TRPM2: variants seen among roughly 807,000 people sequenced by gnomAD.
TRPM2 encodes the protein transient receptor potential cation channel subfamily M member 2.
TRPM2 carries 161 observed loss-of-function variants against 174.0 expected under a neutral mutation model. That is an observed-to-expected ratio of 0.93 (90% CI 0.81 to 1.05). The LOEUF (loss-of-function observed/expected upper bound fraction) is 1.05. TRPM2 is among the 50% of genes least tolerant of loss of function. TRPM2 has a pLI of 0.00. For missense variants in TRPM2, 2,057 were observed against 2,038.0 expected, an observed-to-expected ratio of 1.01 and a Z score of -0.18; for synonymous variants, 954 against 861.3, an observed-to-expected ratio of 1.11 and a Z score of -1.88.
intron 19 of TRPM2, among the ~76,000 whole-genome samples, chr21:44,411,927 A>G (rs1359560978): frequency 2.6e-5 from 4 of 152,122 alleles, no homozygotes; most frequent in Non-Finnish European, 5.9e-5. Context: ...AACCAACTTT[A>G]TGTTCCTGGG....
At chr21:44,397,697 C>G (rs368110451) in intron 12 of TRPM2, 50 bp from the exon 13 acceptor site, 17 of 1,507,062 alleles carry the variant, frequency 1.1e-5, no homozygotes, top group Non-Finnish European at 1.5e-5. Context: ...GTTCCTCAGG[C>G]TGGGTTGAGC....
intron 27 of TRPM2, among the ~76,000 whole-genome samples, chr21:44,433,581 G>T (rs537887836): frequency 2.0e-5 from 3 of 152,290 alleles, no homozygotes; most frequent in South Asian, 2.1e-4. Flanking sequence ...AGTGACCCTC[G>T]CAGGAACCCT....
chr21:44,435,073 C>T (rs2146410073), intron 27 of TRPM2, 58 bp from the exon 28 acceptor site: 1 of 1,557,528 alleles, frequency 6.4e-7, no homozygotes, highest in Non-Finnish European at 8.8e-7. Flanking sequence ...CCCCTCCCTG[C>T]CCTGTCCTGC....
At position 44,439,942 on chromosome 21, in the gene TRPM2, T is replaced by C. The variant is rs1041501799; in HGVS notation, c.4269+774T>C. Among the ~76,000 whole-genome samples the C allele has an allele frequency of 1.3e-4, 19 of 151,948 alleles. No homozygotes were observed. Among genetic ancestry groups the C allele is most frequent in the Non-Finnish European group, 2.6e-4 (18 of 67,982 alleles). Reference sequence around the variant, plus strand: ...TTGGCCATGTTGCCCAGGCTGGTCATGAACTGGGCTCAAGCGATCTGCCCA... The same window carrying C: ...TTGGCCATGTTGCCCAGGCTGGTCACGAACTGGGCTCAAGCGATCTGCCCA... On this transcript the variant is annotated intron_variant, in intron 30 of 31. Transcript: ENST00000397928. The surrounding 1 kb of genome is among the most constrained non-coding windows in gnomAD (Gnocchi z 5.1).
intron 25 of TRPM2, among the ~76,000 whole-genome samples, 182 bp downstream of exon 25, chr21:44,426,009 C>A (rs2050756616): frequency 6.6e-6 from 1 of 152,196 alleles, no homozygotes; most frequent in Non-Finnish European, 1.5e-5. Flanking sequence ...GAAGTCAAGT[C>A]ACAGGGGCCT....
At chr21:44,390,766 A>G in intron 9 of TRPM2, 138 bp from the exon 10 acceptor site, 1 of 1,144,912 alleles carries the variant, frequency 8.7e-7, no homozygotes, top group Non-Finnish European at 1.3e-6. Flanking sequence ...GGAGGAGGTC[A>G]CTGGGTGCTG....
intron 22 of TRPM2, among the ~76,000 whole-genome samples, chr21:44,419,326 T>C (rs535158141): frequency 2.4e-4 from 36 of 152,236 alleles, no homozygotes; most frequent in Non-Finnish European, 3.7e-4. Flanking sequence ...GAGACATGTA[T>C]GTACTCCTGC....
intron 22 of TRPM2, among the ~76,000 whole-genome samples, chr21:44,420,935 G>C (rs2050525964): frequency 6.6e-6 from 1 of 152,194 alleles, no homozygotes; most frequent in Non-Finnish European, 1.5e-5. Context: ...AGGTGGCTCA[G>C]CTTCCACCAC....
At chr21:44,404,598 CGTGATGATAGTGATGATAGTGATA>C (rs1251023569) in intron 16 of TRPM2, among the ~76,000 whole-genome samples, 1 of 152,094 alleles carries the variant, frequency 6.6e-6, no homozygotes, top group African/African-American at 2.4e-5. Context: ...ATTTGCTGAC[CGTGATGATAGTGATGATAGTGATA>C]GTGATGATAG....
chr21:44,437,630 G>T (rs540532665), intron 29 of TRPM2, among the ~76,000 whole-genome samples: 8 of 152,214 alleles, frequency 5.3e-5, no homozygotes, highest in Non-Finnish European at 1.2e-4. Flanking sequence ...GACAGGGGTA[G>T]GTAGGGCCCA....
intron 28 of TRPM2, among the ~76,000 whole-genome samples, chr21:44,436,564 C>T (rs1359499646): frequency 7.4e-6 from 1 of 134,910 alleles, no homozygotes; most frequent in Non-Finnish European, 1.6e-5. Context: ...TGGCACCCCA[C>T]GTCACCCCCA....
At chr21:44,371,791 G>C (rs1241067379) in intron 5 of TRPM2, among the ~76,000 whole-genome samples, 2 of 152,176 alleles carry the variant, frequency 1.3e-5, no homozygotes, top group Non-Finnish European at 2.9e-5. Flanking sequence ...TCCTCCCTCT[G>C]ACCTCAAAGA....
Position 44,399,426 on chromosome 21 carries a change from T to C in TRPM2, c.2193T>C (p.Ser731=). Residue 731 remains serine (S), a synonymous_variant, in exon 14 of 32, where the codon TCT becomes TCC. Transcript: ENST00000397928. This position sits in a 1 kb window ranked among gnomAD's most constrained non-coding sequence, Gnocchi z 4.6. ...AGGCCAAGGACATGAAGTTTGTGTC[T>C]CACGGGGGCATCCAGGTGACCTCCC... is the stretch of plus-strand genomic sequence containing the variant. The part of the protein sequence containing the change: ...ALEAKDMKFV[S]HGGIQAFLTK... 6.2e-7 allele frequency: 1 copy of C among 1,611,760 alleles called. No individual in the cohort carries two copies. The highest frequency in any genetic ancestry group is 1.1e-5 in the South Asian group (1 of 90,994).
At chr21:44,357,643 G>A (rs2048097834) in intron 2 of TRPM2, among the ~76,000 whole-genome samples, 1 of 152,206 alleles carries the variant, frequency 6.6e-6, no homozygotes, top group Non-Finnish European at 1.5e-5. Flanking sequence ...GGCCACGTGG[G>A]CCCCTCTGCA....
At chr21:44,402,766 C>A (rs1354113683) in intron 16 of TRPM2, among the ~76,000 whole-genome samples, 1 of 152,186 alleles carries the variant, frequency 6.6e-6, no homozygotes, top group Non-Finnish European at 1.5e-5. Context: ...CTCCACTGTG[C>A]CCCCACGGTG....
chr21:44,435,802 T>C (rs367658256), intron 28 of TRPM2, among the ~76,000 whole-genome samples: 121 of 54,408 alleles, frequency 2.2e-3, no homozygotes, highest in African/African-American at 5.8e-3. Flanking sequence ...CCCCTCAGAC[T>C]CACTCTCCAC....
At position 44,400,332 on chromosome 21, in the gene TRPM2, T is replaced by C. The variant is rs1260229455; in HGVS notation, c.2282T>C (p.Leu761Pro). ...CTGTGGCGTGTGACCCTGTGCATGC[T>C]GGCCTTCCCGCTGCTCCTCACCGGC... ...NGLWRVTLCM[L>P]AFPLLLTGLI... is the part of the protein sequence containing the mutation. The change falls in exon 15 of 32, where the codon CTG (leucine) becomes CCG (proline). Residue 761 changes from leucine (L) to proline (P), a missense_variant. Physicochemically the swap from Leu to Pro is moderately conservative, Grantham distance 98. Transcript: ENST00000397928. 9.9e-6 allele frequency: 16 copies of C among 1,612,740 alleles called. No homozygotes were observed. The highest frequency in any genetic ancestry group is 1.4e-5 in the Non-Finnish European group (16 of 1,179,872).
At chr21:44,402,848 G>A (rs2049673842) in intron 16 of TRPM2, among the ~76,000 whole-genome samples, 2 of 152,172 alleles carry the variant, frequency 1.3e-5, no homozygotes, top group African/African-American at 4.8e-5. Flanking sequence ...GAGGGGGTGG[G>A]GTCAGCCCAC....
In TRPM2 at chr21:44,417,980, G is replaced by T. The variant is rs541159083; in HGVS notation, c.3200G>T (p.Arg1067Leu). 1 of 1,612,952 alleles carries T rather than the reference G, an allele frequency of 6.2e-7. No homozygotes were observed. Among genetic ancestry groups the T allele is most frequent in the Non-Finnish European group, 8.5e-7 (1 of 1,180,006 alleles). ...ACGGACCAGATTTGGAAGTTCCAGCGCCATGACCTGATCGAGGAGTACCAC... is the reference window on the plus strand; with the variant it reads ...ACGGACCAGATTTGGAAGTTCCAGCTCCATGACCTGATCGAGGAGTACCAC... ...EHTDQIWKFQ[R>L]HDLIEEYHGR... is the part of the protein sequence containing the mutation. The change falls in exon 21 of 32, where the codon CGC becomes CTC. Residue 1067 changes from arginine (R) to leucine (L), a missense_variant. Physicochemically the swap from Arg to Leu is moderately radical, Grantham distance 102 (BLOSUM62 -2). Transcript: ENST00000397928.
Sources: allele counts gnomAD v4.1 joint callset (sites outside exome capture counted in the v4.1 genomes callset), GRCh38; gene constraint gnomAD v4.1.1; non-coding constraint Gnocchi (gnomAD v3.1); transcripts MANE v1.5; gene names NCBI Gene and HGNC (gene_info 2026-07-23, HGNC 2026-07-21).